STXBP6: variants seen among roughly 807,000 people sequenced by gnomAD.
The protein encoded by STXBP6 is syntaxin-binding protein 6.
STXBP6 carries 21 observed loss-of-function variants against 26.9 expected under a neutral mutation model. That is an observed-to-expected ratio of 0.78 (90% confidence interval 0.55 to 1.12). The LOEUF (loss-of-function observed/expected upper bound fraction) is 1.12, where lower values mean the gene tolerates loss of function less well. Among genes scored for constraint, STXBP6 ranks in the 50% most tolerant of loss-of-function variants. The pLI is 0.00. For synonymous variants in STXBP6, 97 were observed against 92.6 expected (o/e 1.05, Z -0.27); for missense variants, 232 against 257.9 (o/e 0.90, Z 0.69).
At chr14:24,969,820 C>A (rs1034614820) in intron 2 of STXBP6, among the ~76,000 whole-genome samples, 1 of 152,090 alleles carries the variant, frequency 6.6e-6, no homozygotes, top group African/African-American at 2.4e-5. Context: ...TCAGAGTGTT[C>A]AAAAAGGCCA....
intron 1 of STXBP6, among the ~76,000 whole-genome samples, chr14:24,996,826 G>A (rs1253419057): frequency 7.3e-6 from 1 of 136,978 alleles, no homozygotes; most frequent in Non-Finnish European, 1.5e-5. Flanking sequence ...TTGTACTTCA[G>A]CCTGGGCAAC....
chr14:24,877,056 A>C (rs1302782758), intron 2 of STXBP6, among the ~76,000 whole-genome samples: 1 of 152,230 alleles, frequency 6.6e-6, no homozygotes, highest in Admixed American at 6.5e-5. Flanking sequence ...AATTGCAATC[A>C]GTATTGCTTA....
At chr14:24,826,689 C>T (rs2068294717) in intron 4 of STXBP6, among the ~76,000 whole-genome samples, 1 of 152,152 alleles carries the variant, frequency 6.6e-6, no homozygotes, top group Non-Finnish European at 1.5e-5. Flanking sequence ...CTGAAGGCCG[C>T]TCTTTCTGTT....
chr14:24,856,402 G>T (rs1228400819), intron 3 of STXBP6, among the ~76,000 whole-genome samples: 2 of 152,096 alleles, frequency 1.3e-5, no homozygotes, highest in African/African-American at 4.8e-5. Flanking sequence ...CTGGAAAAGG[G>T]ATTCCTTTAG....
At chr14:25,027,738 G>T (rs1452558795) in intron 1 of STXBP6, among the ~76,000 whole-genome samples, 3 of 152,246 alleles carry the variant, frequency 2.0e-5, no homozygotes, top group African/African-American at 7.2e-5. Context: ...CAGGCTGAAA[G>T]CTAGGCCTCT....
chr14:24,934,646 A>C (rs2072534281), intron 2 of STXBP6, among the ~76,000 whole-genome samples: 1 of 152,172 alleles, frequency 6.6e-6, no homozygotes, highest in African/African-American at 2.4e-5. Context: ...ATACAGAACT[A>C]AGACTAAACA....
intron 1 of STXBP6, among the ~76,000 whole-genome samples, chr14:24,995,610 T>C (rs2074581891): frequency 6.6e-6 from 1 of 152,170 alleles, no homozygotes. Flanking sequence ...TTCTATGGAC[T>C]TCCTAACAAA....
chr14:24,858,481 A>C (rs116861736), intron 2 of STXBP6, among the ~76,000 whole-genome samples: 40 of 152,226 alleles, frequency 2.6e-4, no homozygotes, highest in Non-Finnish European at 4.7e-4. Flanking sequence ...TTTATCACCC[A>C]TTATTTCAGT....
chr14:24,839,029 T>TA (rs2139000325), intron 4 of STXBP6, among the ~76,000 whole-genome samples: 1 of 152,212 alleles, frequency 6.6e-6, no homozygotes, highest in East Asian at 1.9e-4. Context: ...CAACAGGCCA[T>TA]AAAATGAAGG....
At chr14:25,037,116 G>A (rs561119947) in intron 1 of STXBP6, among the ~76,000 whole-genome samples, 1 of 152,288 alleles carries the variant, frequency 6.6e-6, no homozygotes, top group East Asian at 1.9e-4. Context: ...GAAAGGCCCT[G>A]AAGAGCTCCA....
chr14:24,973,372 T>C (rs1391244392), intron 2 of STXBP6, among the ~76,000 whole-genome samples: 5 of 137,010 alleles, frequency 3.6e-5, no homozygotes, highest in African/African-American at 1.5e-4. Flanking sequence ...AAATAAAAGC[T>C]TTCTTCCTTT....
At chr14:25,001,031 T>C (rs954674617) in intron 1 of STXBP6, among the ~76,000 whole-genome samples, 1 of 152,138 alleles carries the variant, frequency 6.6e-6, no homozygotes, top group Non-Finnish European at 1.5e-5. Flanking sequence ...CTTTTGTGAA[T>C]TGATTTTTCA....
chr14:24,982,484 A>G (rs145931202), intron 1 of STXBP6, among the ~76,000 whole-genome samples: 3 of 152,336 alleles, frequency 2.0e-5, no homozygotes, highest in East Asian at 1.9e-4. Context: ...ACTCTGGAAC[A>G]ATGTAAAAAC....
intron 2 of STXBP6, among the ~76,000 whole-genome samples, chr14:24,942,803 T>C (rs531910902): frequency 6.6e-6 from 1 of 152,332 alleles, no homozygotes; most frequent in South Asian, 2.1e-4. Context: ...CCAATATCTA[T>C]GTGCATATTT....
At chr14:24,968,730 G>A (rs1336096853) in intron 2 of STXBP6, among the ~76,000 whole-genome samples, 1 of 152,000 alleles carries the variant, frequency 6.6e-6, no homozygotes, top group East Asian at 1.9e-4. Flanking sequence ...TTTTTCAACT[G>A]AATAAACTAA....
chr14:24,935,579 T>C lies in STXBP6; in HGVS notation c.154+39086A>G, dbSNP rs553942132. Among the ~76,000 whole-genome samples, 5 of 152,232 alleles carry C rather than the reference T, an allele frequency of 3.3e-5. No individual in the cohort carries two copies. The South Asian group carries it at 8.3e-4, about 25-fold the overall frequency. On this transcript the variant is annotated intron_variant, in intron 2 of 5. Transcript: ENST00000323944. ...GTGTGGTGAAGTTTCAAAAGGATGA[T>C]TGATATTAATAAGATGGGGTTATAT...
intron 4 of STXBP6, among the ~76,000 whole-genome samples, chr14:24,850,322 A>C (rs1335447750): frequency 2.0e-5 from 3 of 152,076 alleles, no homozygotes; most frequent in African/African-American, 7.2e-5. Flanking sequence ...CCTGGTGTGA[A>C]GGTGACATCA....
intron 1 of STXBP6, among the ~76,000 whole-genome samples, chr14:25,019,136 A>G (rs2075214305): frequency 6.6e-6 from 1 of 152,242 alleles, no homozygotes; most frequent in Non-Finnish European, 1.5e-5. Context: ...CCATAGAAAC[A>G]TGCTGAGAAC....
intron 2 of STXBP6, among the ~76,000 whole-genome samples, chr14:24,933,053 A>G (rs1425998859): frequency 6.6e-6 from 1 of 152,232 alleles, no homozygotes; most frequent in Non-Finnish European, 1.5e-5. Context: ...TTGAAGTCAC[A>G]TCACTGGGCT....
Sources: allele counts gnomAD v4.1 joint callset (sites outside exome capture counted in the v4.1 genomes callset), GRCh38; gene constraint gnomAD v4.1.1; transcripts MANE v1.5; gene names NCBI Gene and HGNC (gene_info 2026-07-23, HGNC 2026-07-21).